GDA: variants seen among roughly 807,000 people sequenced by gnomAD.
GDA encodes the protein guanine deaminase.
A neutral mutation model predicts 59.6 loss-of-function variants in GDA; 18 were observed. That is an observed-to-expected ratio of 0.30 (90% CI 0.21 to 0.45). The LOEUF (loss-of-function observed/expected upper bound fraction) is 0.45, where lower values mean the gene tolerates loss of function less well. Ranked by LOEUF, GDA falls within the 20% of genes least tolerant of loss-of-function variation. The pLI is 1.00. For synonymous variants in GDA, 201 were observed against 201.1 expected (o/e 1.00, Z 0.00); for missense variants, 427 against 552.3 (o/e 0.77, Z 2.27).
chr9:72,154,159 A>G (rs994442886), intron 1 of GDA, among the ~76,000 whole-genome samples: 1 of 152,050 alleles, frequency 6.6e-6, no homozygotes, highest in African/African-American at 2.4e-5. Context: ...GAAGAGATTC[A>G]TTTTGAGGTT....
intron 1 of GDA, among the ~76,000 whole-genome samples, chr9:72,181,811 T>C (rs562886433): frequency 3.9e-4 from 60 of 152,322 alleles, no homozygotes; most frequent in African/African-American, 1.1e-3. Flanking sequence ...GCCTATACTT[T>C]CACTTTTTAT....
chr9:72,230,250 TGGGAGGCCAAAG>T (rs1455082181), intron 9 of GDA, among the ~76,000 whole-genome samples: 1 of 152,090 alleles, frequency 6.6e-6, no homozygotes, highest in Non-Finnish European at 1.5e-5. Flanking sequence ...CCCAGCACTT[TGGGAGGCCAAAG>T]TGGGAGGATC....
At chr9:72,173,413 C>G (rs904822740) in intron 1 of GDA, among the ~76,000 whole-genome samples, 1 of 151,804 alleles carries the variant, frequency 6.6e-6, no homozygotes, top group Non-Finnish European at 1.5e-5. Context: ...TCACTGCAGC[C>G]TCTGCCTCCT....
At chr9:72,196,929 CTTT>C in intron 2 of GDA, among the ~76,000 whole-genome samples, 1 of 152,134 alleles carries the variant, frequency 6.6e-6, no homozygotes, top group East Asian at 1.9e-4. Flanking sequence ...AATGGGAAGA[CTTT>C]TTTAAAGCTA....
intron 1 of GDA, among the ~76,000 whole-genome samples, chr9:72,178,683 G>T (rs996227501): frequency 2.0e-5 from 3 of 152,162 alleles, no homozygotes; most frequent in Non-Finnish European, 4.4e-5. Context: ...CTCCCAAAGT[G>T]CTGGGATTAC....
At chr9:72,126,959 T>A (rs1564147569) in intron 1 of GDA, among the ~76,000 whole-genome samples, 3 of 152,118 alleles carry the variant, frequency 2.0e-5, no homozygotes, top group African/African-American at 7.2e-5. Context: ...AGCAAATTAC[T>A]AGCCGCGATA....
In GDA at chr9:72,195,512, G is replaced by C. The variant is rs1564013540; in HGVS notation, c.136G>C (p.Glu46Gln). The change falls in exon 2 of 14, where the codon GAA becomes CAA. Residue 46 changes from glutamate to glutamine, a missense_variant. Physicochemically the swap from Glu to Gln is conservative, Grantham distance 29 (BLOSUM62 2). Coordinates refer to ENST00000358399, the MANE Select transcript of GDA (RefSeq NM_004293.5). Reference sequence around the variant, plus strand: ...CTTTCTTTTAAAGATAGTGTTTTTAGAAGAAGCATCTCAACAGGAAAAACT... The same window carrying C: ...CTTTCTTTTAAAGATAGTGTTTTTACAAGAAGCATCTCAACAGGAAAAACT... ...VSDSGKIVFL[E>Q]EASQQEKLAK... 2.0e-6 allele frequency: 3 copies of C among 1,498,334 alleles called. No individual in the cohort carries two copies. The highest frequency in any genetic ancestry group is 2.8e-6 in the Non-Finnish European group (3 of 1,084,954). 92.8% of individuals were successfully genotyped at this position (1,498,334 alleles called of 1,614,324 possible).
intron 1 of GDA, among the ~76,000 whole-genome samples, chr9:72,138,710 C>G (rs995322140): frequency 6.6e-6 from 1 of 152,152 alleles, no homozygotes; most frequent in Non-Finnish European, 1.5e-5. Flanking sequence ...TCGGTTTCTG[C>G]CATTATCTTA....
At chr9:72,192,669 C>G (rs1218002160) in intron 1 of GDA, among the ~76,000 whole-genome samples, 1 of 151,296 alleles carries the variant, frequency 6.6e-6, no homozygotes, top group Non-Finnish European at 1.5e-5. Context: ...ATCACTAGGT[C>G]AGGAGATCGA....
chr9:72,170,947 C>T (rs1011244833), intron 1 of GDA, among the ~76,000 whole-genome samples: 3 of 151,968 alleles, frequency 2.0e-5, no homozygotes, highest in African/African-American at 7.3e-5. Context: ...CTCCCAAGTA[C>T]CTGGGACTAC....
In GDA at chr9:72,120,262, A is replaced by G; in HGVS notation, c.-100+5429A>G. Reference sequence around the variant, plus strand: ...GAGTGTGGTGGCACGATCTCGGCTCACTGCAACCTCTGCCTCCTGGGTTCA... The same window carrying G: ...GAGTGTGGTGGCACGATCTCGGCTCGCTGCAACCTCTGCCTCCTGGGTTCA... On this transcript the variant is annotated intron_variant, in intron 1 of 13. Transcript: ENST00000545168. 1.3e-5 allele frequency among the ~76,000 whole-genome samples: 2 copies of G among 150,538 alleles called. 1 individual carries two copies.
At chr9:72,171,356 C>T (rs978912109) in intron 1 of GDA, among the ~76,000 whole-genome samples, 5 of 152,108 alleles carry the variant, frequency 3.3e-5, no homozygotes, top group African/African-American at 1.2e-4. Flanking sequence ...TTTCTTTAAG[C>T]ATACCATGTA....
At chr9:72,160,685 T>C (rs894073072) in intron 1 of GDA, among the ~76,000 whole-genome samples, 5 of 152,218 alleles carry the variant, frequency 3.3e-5, no homozygotes, top group African/African-American at 1.2e-4. Context: ...GCAGTGCTGC[T>C]ATAAATATTT....
intron 7 of GDA, among the ~76,000 whole-genome samples, chr9:72,224,365 T>C (rs1003754696): frequency 1.3e-5 from 2 of 152,216 alleles, no homozygotes; most frequent in Non-Finnish European, 2.9e-5. Context: ...GAGTTCATTG[T>C]CTGAGTAAAA....
Position 72,228,379 on chromosome 9 carries a change from C to T in GDA, c.920+339C>T, listed in dbSNP as rs141472689. The T allele has an allele frequency of 1.4e-3, 374 of 271,862 alleles. 3 individuals carry two copies. Among genetic ancestry groups the T allele is most frequent in the Middle Eastern group, 9.2e-3 (7 of 762 alleles). The allele number at this position is 271,862 out of a possible 1,614,324, so 16.8% of individuals were successfully genotyped here. On this transcript the variant is annotated intron_variant, in intron 9 of 13. Coordinates refer to ENST00000358399, the MANE Select transcript of GDA (RefSeq NM_004293.5). The stretch of plus-strand genomic sequence containing the variant: ...AAATCCAGAAGAGGGTAGTCACTCC[C>T]ATTACTGTTTGTGCTGTAGTGTGAG...
chr9:72,213,676 G>A (rs541495042), intron 4 of GDA, among the ~76,000 whole-genome samples: 5 of 151,914 alleles, frequency 3.3e-5, no homozygotes, highest in East Asian at 1.9e-4. Flanking sequence ...GGTGGCGGGC[G>A]CCTGTAGTCC....
In GDA at chr9:72,217,096, G is replaced by A. The variant is rs1033948643; in HGVS notation, c.579-2383G>A. On this transcript the variant is annotated intron_variant, in intron 5 of 13. Transcript: ENST00000358399. ...AATCTACTAAAAATCATGGATTTGT[G>A]CACTTAAATCAGGTGAATTTTATGG... is the stretch of plus-strand genomic sequence containing the variant. Among the ~76,000 whole-genome samples the A allele has an allele frequency of 2.1e-4, 32 of 152,120 alleles. 1 individual carries two copies. Among genetic ancestry groups the A allele is most frequent in the African/African-American group, 7.5e-4 (31 of 41,406 alleles).
At chr9:72,210,400 T>G (rs1284762802) in intron 3 of GDA, among the ~76,000 whole-genome samples, 3 of 152,180 alleles carry the variant, frequency 2.0e-5, no homozygotes, top group Admixed American at 1.3e-4. Flanking sequence ...TTGGATATCC[T>G]TAAACAATCC....
chr9:72,136,630 G>T (rs1826233243), intron 1 of GDA, among the ~76,000 whole-genome samples: 1 of 152,198 alleles, frequency 6.6e-6, no homozygotes, highest in Non-Finnish European at 1.5e-5. Context: ...CCCAGAAAGT[G>T]CTACCTAGCA....
Sources: gnomAD v4.1 joint callset for allele counts (sites outside exome capture counted in the v4.1 genomes callset) on GRCh38, gnomAD v4.1.1 for gene constraint, MANE v1.5 for transcripts, NCBI Gene and HGNC (gene_info 2026-07-23, HGNC 2026-07-21) for gene names.